FOXP1: variants seen among roughly 807,000 people sequenced by gnomAD.
FOXP1 encodes forkhead box protein P1.
A neutral mutation model predicts 98.2 loss-of-function variants in FOXP1; 15 were observed. That is an observed-to-expected ratio of 0.15 (90% CI 0.10 to 0.24). FOXP1 has a LOEUF of 0.24. FOXP1 is among the 10% of genes least tolerant of loss of function. FOXP1 has a pLI of 1.00. For missense variants in FOXP1, 633 were observed against 848.5 expected, an observed-to-expected ratio of 0.75 and a Z score of 3.15; for synonymous variants, 371 against 314.5, an observed-to-expected ratio of 1.18 and a Z score of -1.90.
chr3:71,208,542 G>C (rs1279504653), intron 5 of FOXP1, among the ~76,000 whole-genome samples: 1 of 151,958 alleles, frequency 6.6e-6, no homozygotes, highest in Non-Finnish European at 1.5e-5. Context: ...AAGTTTGTGT[G>C]TGTGTGTGTG....
intron 6 of FOXP1, among the ~76,000 whole-genome samples, chr3:71,149,714 T>C (rs527756464): frequency 7.9e-4 from 120 of 152,282 alleles, no homozygotes; most frequent in Non-Finnish European, 1.5e-3. Context: ...TGATGTAAAA[T>C]CAGATTCTGT....
Position 71,527,368 on chromosome 3 carries a change from C to T in FOXP1, c.-297-33813G>A, listed in dbSNP as rs150883304. ...CAGAGCCCTGCCTTCCAGATGCTCACTCTCTCACCCAGTAGACTGGAAGGG... is the reference window on the plus strand; with the variant it reads ...CAGAGCCCTGCCTTCCAGATGCTCATTCTCTCACCCAGTAGACTGGAAGGG... On this transcript the variant is annotated intron_variant, in intron 2 of 20. Coordinates refer to ENST00000649528, the MANE Select transcript of FOXP1 (RefSeq NM_001349338.3). Among the ~76,000 whole-genome samples, 580 of 152,336 alleles carry T rather than the reference C, an allele frequency of 3.8e-3. 3 individuals are homozygous for T. Among genetic ancestry groups the T allele is most frequent in the African/African-American group, 0.013 (528 of 41,576 alleles).
intron 3 of FOXP1, among the ~76,000 whole-genome samples, chr3:71,474,459 C>T (rs903048207): frequency 4.6e-5 from 7 of 152,174 alleles, no homozygotes; most frequent in Admixed American, 2.0e-4. Context: ...GACTGGTTTC[C>T]GTGGCCTGTT....
At chr3:71,143,258 A>T (rs2108011634) in intron 6 of FOXP1, among the ~76,000 whole-genome samples, 1 of 152,344 alleles carries the variant, frequency 6.6e-6, no homozygotes, top group Middle Eastern at 3.4e-3. Context: ...TCAGGACACA[A>T]ATACGGAATT....
intron 5 of FOXP1, among the ~76,000 whole-genome samples, chr3:71,253,658 G>A (rs1374124128): frequency 6.6e-6 from 1 of 152,104 alleles, no homozygotes; most frequent in Non-Finnish European, 1.5e-5. Context: ...CTGATAAGAT[G>A]TACCTATTGT....
intron 12 of FOXP1, among the ~76,000 whole-genome samples, chr3:71,014,689 A>C (rs955916395): frequency 6.6e-6 from 1 of 152,216 alleles, no homozygotes; most frequent in Admixed American, 6.5e-5. Context: ...AGACACATGC[A>C]CATGTATGTT....
intron 2 of FOXP1, among the ~76,000 whole-genome samples, chr3:71,560,918 T>G (rs542458129): frequency 3.3e-5 from 5 of 152,100 alleles, no homozygotes; most frequent in South Asian, 4.2e-4. Flanking sequence ...GGAAATGGGG[T>G]GGAGAGAGGA....
intron 3 of FOXP1, among the ~76,000 whole-genome samples, chr3:71,361,509 G>C (rs2078568101): frequency 6.6e-6 from 1 of 152,180 alleles, no homozygotes; most frequent in Non-Finnish European, 1.5e-5. Flanking sequence ...TAATTTATGA[G>C]CCGTGTTAAT....
intron 3 of FOXP1, among the ~76,000 whole-genome samples, chr3:71,409,793 C>A (rs1164929668): frequency 6.6e-6 from 1 of 152,146 alleles, no homozygotes; most frequent in Admixed American, 6.6e-5. Flanking sequence ...GCAGGCGAAT[C>A]ACTTGAGCCC....
At chr3:70,981,091 C>CGAA (rs1424019413) in intron 14 of FOXP1, among the ~76,000 whole-genome samples, 2 of 144,466 alleles carry the variant, frequency 1.4e-5, no homozygotes, top group Admixed American at 1.5e-4. Context: ...TTCACAGCTA[C>CGAA]GAAGAATAGA....
chr3:71,383,846 G>A (rs1235527189), intron 3 of FOXP1, among the ~76,000 whole-genome samples: 1 of 152,160 alleles, frequency 6.6e-6, no homozygotes, highest in Non-Finnish European at 1.5e-5. Context: ...TGAGAAGATA[G>A]ATAAAAGAGG....
At chr3:71,345,628 G>A (rs749797196) in intron 4 of FOXP1, among the ~76,000 whole-genome samples, 3 of 151,626 alleles carry the variant, frequency 2.0e-5, no homozygotes, top group African/African-American at 2.4e-5. Context: ...TTATTTTGGC[G>A]ATGAAAACAA....
chr3:71,191,753 G>A (rs973159845), intron 6 of FOXP1, among the ~76,000 whole-genome samples: 1 of 152,190 alleles, frequency 6.6e-6, no homozygotes, highest in Non-Finnish European at 1.5e-5. Context: ...TTAAGAACAT[G>A]TTGGGGGGTC....
chr3:71,569,480 G>C (rs1041856998), intron 2 of FOXP1, among the ~76,000 whole-genome samples: 1 of 152,090 alleles, frequency 6.6e-6, no homozygotes, highest in African/African-American at 2.4e-5. Flanking sequence ...TGCATACAAT[G>C]GAAGAGCAAG....
chr3:71,531,508 A>C (rs1482438959), intron 2 of FOXP1, among the ~76,000 whole-genome samples: 1 of 152,206 alleles, frequency 6.6e-6, no homozygotes, highest in African/African-American at 2.4e-5. Context: ...AATTGGACAA[A>C]AAAAAAGAAG....
intron 6 of FOXP1, among the ~76,000 whole-genome samples, chr3:71,153,995 CA>C (rs1209080821): frequency 1.3e-5 from 2 of 152,262 alleles, no homozygotes; most frequent in African/African-American, 4.8e-5. Context: ...AAACACAAAG[CA>C]AACATTTATT....
chr3:71,474,846 T>C (rs2089681274), intron 3 of FOXP1, among the ~76,000 whole-genome samples: 1 of 152,118 alleles, frequency 6.6e-6, no homozygotes, highest in Non-Finnish European at 1.5e-5. Flanking sequence ...ATAAATGTTA[T>C]GTGCTTGAAT....
chr3:71,582,243 A>T, intron 1 of FOXP1: 5 of 985,352 alleles, frequency 5.1e-6, no homozygotes, highest in Non-Finnish European at 6.0e-6. Flanking sequence ...AGGGCCAAAA[A>T]GAAGAAGGAA....
At chr3:71,041,608 A>G in intron 10 of FOXP1, 76 bp from the exon 11 acceptor site, 1 of 1,434,952 alleles carries the variant, frequency 7.0e-7, no homozygotes, top group Non-Finnish European at 9.7e-7. Flanking sequence ...TAAATCAAAG[A>G]GTCAGTAAAC....
Sources: allele counts gnomAD v4.1 joint callset (sites outside exome capture counted in the v4.1 genomes callset), GRCh38; gene constraint gnomAD v4.1.1; transcripts MANE v1.5; gene names NCBI Gene and HGNC (gene_info 2026-07-23, HGNC 2026-07-21).